Variants in PDE4DIP observed in about 807,000 individuals in gnomAD.
The protein encoded by PDE4DIP is phosphodiesterase 4D interacting protein.
A neutral mutation model predicts 221.4 loss-of-function variants in PDE4DIP; 59 were observed. That is an observed-to-expected ratio of 0.27 (90% CI 0.22 to 0.33). PDE4DIP has a LOEUF of 0.33. Among genes scored for constraint, PDE4DIP ranks in the 10% least tolerant of loss-of-function variants. The pLI, the probability that PDE4DIP is intolerant of heterozygous loss-of-function variation, is 1.00. For missense variants in PDE4DIP, 1,036 were observed against 2,154.2 expected (o/e 0.48, Z 10.28); for synonymous variants, 404 against 815.9 (o/e 0.50, Z 8.60).
chr1:148,937,078 A>G (rs2150804420), intron 4 of PDE4DIP, among the ~76,000 whole-genome samples: 2 of 152,340 alleles, frequency 1.3e-5, no homozygotes, highest in South Asian at 4.1e-4. Flanking sequence ...CTGCCAGTGC[A>G]GTAGGTTTGC....
rs587723478 is a variant in PDE4DIP, at chr1:148,970,459, A to T, written c.1980+1429A>T. On this transcript the variant is annotated intron_variant, in intron 14 of 43. Transcript: ENST00000369354. Reference sequence around the variant, plus strand: ...GTAATAGAATAATGGAGATGATGGAAATTACAGGAGATTTTTCAACTCAAG... The same window carrying T: ...GTAATAGAATAATGGAGATGATGGATATTACAGGAGATTTTTCAACTCAAG... Among the ~76,000 whole-genome samples, 182 of 152,042 alleles carry T rather than the reference A, an allele frequency of 1.2e-3. 1 individual carries two copies. Among genetic ancestry groups the T allele is most frequent in the African/African-American group, 4.1e-3 (170 of 41,466 alleles).
intron 21 of PDE4DIP, among the ~76,000 whole-genome samples, chr1:148,987,632 G>C (rs1198647923): frequency 6.6e-6 from 1 of 152,088 alleles, no homozygotes; most frequent in Non-Finnish European, 1.5e-5. Flanking sequence ...ATGATCTCTT[G>C]CTATGTTCTA....
At chr1:148,978,082 G>T (rs2060507708) in intron 18 of PDE4DIP, 29 bp downstream of exon 21, 1 of 1,592,148 alleles carries the variant, frequency 6.3e-7, no homozygotes. Flanking sequence ...AAGACCACTG[G>T]AAATGTTCAC....
Position 148,960,880 on chromosome 1 carries a change from G to A in PDE4DIP, c.768+95G>A, listed in dbSNP as rs587619003. The A allele has an allele frequency of 3.0e-4, 161 of 540,344 alleles. 1 individual carries two copies. The Admixed American group carries it at 3.3e-3, about 11-fold the overall frequency. The allele number at this position is 540,344 out of a possible 1,614,324, so 33.5% of individuals were successfully genotyped here. A position where few individuals can be genotyped will look rare whatever the true frequency, so the allele number is the denominator to read the frequency against. ...CTGTCAACCTTTGTAGGACTTGGGAGATGAATACTGTGTACTCCTTGTGCT... is the reference window on the plus strand; with the variant it reads ...CTGTCAACCTTTGTAGGACTTGGGAAATGAATACTGTGTACTCCTTGTGCT... On this transcript the variant is annotated intron_variant, in intron 6 of 43. Coordinates refer to ENST00000369354, the Ensembl canonical transcript of PDE4DIP.
chr1:148,843,450 T>G (rs1553379280), intron 1 of PDE4DIP, among the ~76,000 whole-genome samples: 1 of 49,208 alleles, frequency 2.0e-5, no homozygotes, highest in Non-Finnish European at 3.7e-5. Context: ...GCAGAGACTT[T>G]GGGCCTTTTG....
chr1:148,972,642 T>C, intron 16 of PDE4DIP, 50 bp downstream of exon 19: 1 of 487,690 alleles, frequency 2.1e-6, no homozygotes. Context: ...TCTCTTGTTT[T>C]TTCTTCTAGT....
At chr1:148,884,856 A>G (rs1695302805), upstream of PDE4DIP, among the ~76,000 whole-genome samples, 5 of 144,496 alleles carry the variant, frequency 3.5e-5, no homozygotes, top group Middle Eastern at 3.6e-3. Flanking sequence ...TGCATGGTGT[A>G]TTAAAATGAG....
At chr1:148,820,760 C>A (rs1386749686) in intron 1 of PDE4DIP, among the ~76,000 whole-genome samples, 4 of 146,784 alleles carry the variant, frequency 2.7e-5, no homozygotes, top group Admixed American at 6.8e-5. Flanking sequence ...GGTTTATAGT[C>A]TTGGTGGGAA....
chr1:148,991,352 GTCTTGAA>G (rs1296860311), intron 21 of PDE4DIP, among the ~76,000 whole-genome samples: 2 of 151,838 alleles, frequency 1.3e-5, no homozygotes, highest in Non-Finnish European at 2.9e-5. Flanking sequence ...ATCCTTTGGT[GTCTTGAA>G]TCTTGACTAG....
At chr1:148,935,121 G>A (rs1341660012) in intron 4 of PDE4DIP, among the ~76,000 whole-genome samples, 2 of 151,994 alleles carry the variant, frequency 1.3e-5, no homozygotes, top group Non-Finnish European at 2.9e-5. Flanking sequence ...GGCTGAGGCA[G>A]GAGAATCGCT....
At chr1:149,028,984 C>T (rs367712812) in intron 41 of PDE4DIP, among the ~76,000 whole-genome samples, 2 of 152,178 alleles carry the variant, frequency 1.3e-5, no homozygotes, top group African/African-American at 2.4e-5. Flanking sequence ...CATCATAACC[C>T]TGGCCATCCA....
intron 29 of PDE4DIP, 128 bp from the exon 33 acceptor site, chr1:149,009,440 G>A: frequency 1.6e-6 from 1 of 634,126 alleles, no homozygotes; most frequent in Non-Finnish European, 2.8e-6. Flanking sequence ...AAGCAGAGGT[G>A]GGTTATTTCC....
intron 1 of PDE4DIP, among the ~76,000 whole-genome samples, chr1:148,827,244 C>CTTTTTTTT (rs67632049): frequency 4.4e-4 from 15 of 34,118 alleles, no homozygotes; most frequent in African/African-American, 1.2e-3. Context: ...GTGTTATATT[C>CTTTTTTTT]TTTTTTTTTT....
chr1:149,025,705 C>G (rs587775258), intron 38 of PDE4DIP: 1 of 148,224 alleles, frequency 6.7e-6, no homozygotes. Flanking sequence ...TTCAGTTTCT[C>G]TAAAGCTGAG....
intron 32 of PDE4DIP, among the ~76,000 whole-genome samples, chr1:149,015,301 G>A (rs1223164442): frequency 3.3e-4 from 50 of 151,692 alleles, no homozygotes; most frequent in Admixed American, 1.1e-3. Context: ...ACCCACATTT[G>A]AGAACCAGCT....
intron 9 of PDE4DIP, among the ~76,000 whole-genome samples, chr1:148,962,883 G>A (rs1553513860): frequency 6.6e-6 from 1 of 151,458 alleles, no homozygotes; most frequent in East Asian, 1.9e-4. Context: ...TTTTAAGAGA[G>A]ACCACATTCA....
chr1:149,010,318 T>C, intron 30 of PDE4DIP, 125 bp from the exon 34 acceptor site: 1 of 692,484 alleles, frequency 1.4e-6, no homozygotes, highest in Non-Finnish European at 2.5e-6. Context: ...CTGCTAACAG[T>C]GCTTGTGCTT....
intron 4 of PDE4DIP, 88 bp from the exon 8 acceptor site, chr1:148,937,659 A>G: frequency 2.9e-6 from 2 of 682,184 alleles, no homozygotes; most frequent in Non-Finnish European, 5.3e-6. Flanking sequence ...GCTATACTAG[A>G]CCATGCTATC....
intron 1 of PDE4DIP, among the ~76,000 whole-genome samples, chr1:148,905,269 C>T (rs1225300414): frequency 2.3e-4 from 28 of 121,938 alleles, no homozygotes; most frequent in African/African-American, 4.6e-4. Flanking sequence ...CTACAAGCTC[C>T]GCCTCCCGGG....
Sources: gnomAD v4.1 joint callset for allele counts (sites outside exome capture counted in the v4.1 genomes callset) on GRCh38, gnomAD v4.1.1 for gene constraint, MANE v1.5 for transcripts, NCBI Gene and HGNC (gene_info 2026-07-23, HGNC 2026-07-21) for gene names.